The following RAB11B variants were observed in gnomAD, a reference collection of about 807,000 sequenced individuals.
RAB11B encodes the protein RAB11B, member RAS oncogene family.
RAB11B carries 7 observed loss-of-function variants against 23.7 expected under a neutral mutation model. That is an observed-to-expected ratio of 0.29 (90% CI 0.17 to 0.55). The LOEUF (loss-of-function observed/expected upper bound fraction) is 0.55. Among genes scored for constraint, RAB11B ranks in the 20% least tolerant of loss-of-function variants. The pLI, the probability that RAB11B is intolerant of heterozygous loss-of-function variation, is 0.93. For synonymous variants in RAB11B, 138 were observed against 132.0 expected (o/e 1.05, Z -0.31); for missense variants, 189 against 320.0 (o/e 0.59, Z 3.12).
At position 8,403,802 on chromosome 19, in the gene RAB11B, T is replaced by G. The variant is rs998011555; in HGVS notation, c.*244T>G. On this transcript the variant is annotated 3_prime_UTR_variant, in exon 5 of 5. Transcript: ENST00000328024. Reference sequence around the variant, plus strand: ...GGGTCCCCACAGCGTCTTGGCGGGGTGGGGAGGGCGGCAGGATGGACGGGG... The same window carrying G: ...GGGTCCCCACAGCGTCTTGGCGGGGGGGGGAGGGCGGCAGGATGGACGGGG... 2.0e-6 allele frequency: 1 copy of G among 501,814 alleles called. No homozygotes were observed. The highest frequency in any genetic ancestry group is 3.4e-6 in the Non-Finnish European group (1 of 295,360). 31.1% of individuals were successfully genotyped at this position (501,814 alleles called of 1,614,324 possible).
At chr19:8,397,548 G>T (rs1438937059) in intron 1 of RAB11B, among the ~76,000 whole-genome samples, 1 of 152,082 alleles carries the variant, frequency 6.6e-6, no homozygotes, top group Non-Finnish European at 1.5e-5. Context: ...AAGCGTGCTT[G>T]GTTTGAGTTC....
chr19:8,391,777 C>T (rs533004972), intron 1 of RAB11B, among the ~76,000 whole-genome samples: 33 of 151,856 alleles, frequency 2.2e-4, no homozygotes, highest in Non-Finnish European at 4.3e-4. Flanking sequence ...TGTGTCTGGT[C>T]TCATCCAGCG....
At chr19:8,390,737 C>A (rs1333827661) in intron 1 of RAB11B, 3 of 298,924 alleles carry the variant, frequency 1.0e-5, no homozygotes, top group East Asian at 1.1e-4. Context: ...GTGGGAGAGG[C>A]TGTTAGGGCG....
At chr19:8,395,715 G>A (rs977435220) in intron 1 of RAB11B, among the ~76,000 whole-genome samples, 2 of 152,196 alleles carry the variant, frequency 1.3e-5, no homozygotes, top group Non-Finnish European at 2.9e-5. Flanking sequence ...CTTGAAGGAT[G>A]AGTAGGAGTT....
In RAB11B at chr19:8,392,874, A is replaced by G. The variant is rs575164426; in HGVS notation, c.40+2418A>G. Among the ~76,000 whole-genome samples the G allele has an allele frequency of 1.2e-4, 18 of 150,980 alleles. No homozygotes were observed. The East Asian group carries it at 3.5e-3, about 29-fold the overall frequency. On this transcript the variant is annotated intron_variant, in intron 1 of 4. Transcript: ENST00000328024. ...GGCTAATTTTTGTATTTTAGTAGAT[A>G]CGGGGTTTCACCATGTTGGCCAGCT...
chr19:8,401,243 G>C (rs572878490), intron 2 of RAB11B, among the ~76,000 whole-genome samples: 1 of 151,844 alleles, frequency 6.6e-6, no homozygotes, highest in South Asian at 2.1e-4. Flanking sequence ...ACCACGCCTG[G>C]CTAATTTTTT....
chr19:8,392,991 ATTTTTT>A (rs34749882), intron 1 of RAB11B, among the ~76,000 whole-genome samples: 1 of 130,590 alleles, frequency 7.7e-6, no homozygotes. Flanking sequence ...TGGCCTCTGC[ATTTTTT>A]TTTTTTTTTT....
At chr19:8,399,821 G>A in intron 1 of RAB11B, 42 bp from the exon 2 acceptor site, 1 of 1,595,846 alleles carries the variant, frequency 6.3e-7, no homozygotes, top group Non-Finnish European at 8.6e-7. Flanking sequence ...GGCAGTCGTG[G>A]GTGGAGTGTG....
intron 1 of RAB11B, among the ~76,000 whole-genome samples, chr19:8,391,631 C>T (rs1214952348): frequency 6.6e-6 from 1 of 152,180 alleles, no homozygotes; most frequent in Non-Finnish European, 1.5e-5. Context: ...GAGGGCTAAC[C>T]CCTGGATCCA....
intron 1 of RAB11B, among the ~76,000 whole-genome samples, chr19:8,395,065 C>T (rs1035328140): frequency 2.6e-5 from 4 of 152,194 alleles, no homozygotes; most frequent in South Asian, 2.1e-4. Flanking sequence ...TTCCTGAGGA[C>T]GTGAGAACTG....
At position 8,402,277 on chromosome 19, in the gene RAB11B, C is replaced by A; in HGVS notation, c.428C>A (p.Ala143Glu). Reference sequence around the variant, plus strand: ...CCCACTGACGAGGCCCGCGCCTTCGCAGGTGAGCAGACGGAGACGCAGGCA... The same window carrying A: ...CCCACTGACGAGGCCCGCGCCTTCGAAGGTGAGCAGACGGAGACGCAGGCA... ...AVPTDEARAF[A>E]EKNNLSFIET... Residue 143 changes from alanine (A) to glutamate (E), a missense_variant and splice_region_variant, in exon 3 of 5, where the codon GCA (alanine) becomes GAA (glutamate). Around this residue, in one of 5 missense-constraint regions of RAB11B, gnomAD observed 122 missense variants for 170.8 expected, o/e 0.71. Coordinates refer to ENST00000328024, the MANE Select transcript of RAB11B (RefSeq NM_004218.4). The A allele has an allele frequency of 1.3e-6, 2 of 1,553,640 alleles. No individual in the cohort carries two copies. The highest frequency in any genetic ancestry group is 1.7e-6 in the Non-Finnish European group (2 of 1,148,936).
chr19:8,402,720 T>TG (rs1265072248), intron 4 of RAB11B, 155 bp downstream of exon 4: 3 of 632,924 alleles, frequency 4.7e-6, no homozygotes, highest in Non-Finnish European at 8.2e-6. Flanking sequence ...TGGAGTGTGG[T>TG]GGCTCGATCT....
At chr19:8,390,555 C>T in intron 1 of RAB11B, 99 bp downstream of exon 1, 4 of 1,257,050 alleles carry the variant, frequency 3.2e-6, no homozygotes, top group South Asian at 2.9e-5. Flanking sequence ...AGGCCGGAGC[C>T]CGGGGCTTGG....
At chr19:8,393,779 C>T (rs1283298606) in intron 1 of RAB11B, among the ~76,000 whole-genome samples, 1 of 152,180 alleles carries the variant, frequency 6.6e-6, no homozygotes, top group Admixed American at 6.5e-5. Context: ...AATGGGGGCA[C>T]CATTCCCCTG....
At chr19:8,394,738 T>A (rs143565701) in intron 1 of RAB11B, among the ~76,000 whole-genome samples, 51 of 152,266 alleles carry the variant, frequency 3.3e-4, no homozygotes, top group Non-Finnish European at 5.4e-4. Context: ...TGAGACAGCC[T>A]GGCCAACATG....
intron 2 of RAB11B, among the ~76,000 whole-genome samples, chr19:8,401,885 C>T (rs193192914): frequency 5.0e-4 from 76 of 152,352 alleles, no homozygotes; most frequent in African/African-American, 1.5e-3. Context: ...ACTCCCTCCT[C>T]AGACCCCCAC....
At chr19:8,398,802 G>A (rs180960085) in intron 1 of RAB11B, among the ~76,000 whole-genome samples, 1 of 152,086 alleles carries the variant, frequency 6.6e-6, no homozygotes, top group Admixed American at 6.5e-5. Context: ...TTTTCGTGGG[G>A]GGAGACAGAA....
chr19:8,392,685 C>CTTTTTTTTTTT lies in RAB11B; in HGVS notation c.40+2241_40+2251dup, dbSNP rs74176644. Among the ~76,000 whole-genome samples the CTTTTTTTTTTT allele has an allele frequency of 1.4e-3, 110 of 79,658 alleles. 8 individuals carry two copies. The highest frequency in any genetic ancestry group is 0.017 in the Middle Eastern group (1 of 60). 52.3% of individuals were successfully genotyped at this position (79,658 alleles called of 152,430 possible). A position where few individuals can be genotyped will look rare whatever the true frequency, so the allele number is the denominator to read the frequency against. On this transcript the variant is annotated intron_variant, in intron 1 of 4. Transcript: ENST00000328024. ...ATATTTTTCTTTTCCTTTTTCTTTTCTTTTTTTTTTTTTTTTTTTTTTGAG... is the reference window on the plus strand; with the variant it reads ...ATATTTTTCTTTTCCTTTTTCTTTTCTTTTTTTTTTTTTTTTTTTTTTTTTTTTTTTTTGAG...
intron 1 of RAB11B, among the ~76,000 whole-genome samples, chr19:8,397,577 G>A (rs544681736): frequency 6.6e-6 from 1 of 152,240 alleles, no homozygotes; most frequent in Admixed American, 6.5e-5. Context: ...GGGGACAGGA[G>A]GTGGAGTGAG....
Sources: gnomAD v4.1 joint callset for allele counts (sites outside exome capture counted in the v4.1 genomes callset) on GRCh38, gnomAD v4.1.1 for gene constraint, gnomAD v4.1.1 regional missense constraint, MANE v1.5 for transcripts, NCBI Gene and HGNC (gene_info 2026-07-23, HGNC 2026-07-21) for gene names.